Variants in ELOVL6 observed in about 807,000 individuals in gnomAD.
ELOVL6 encodes the protein very long chain fatty acid elongase 6.
A neutral mutation model predicts 31.7 loss-of-function variants in ELOVL6; 8 were observed. The observed-to-expected ratio is 0.25, with a 90% CI of 0.15 to 0.45. The LOEUF is 0.45. Ranked by LOEUF, ELOVL6 falls within the 20% of genes least tolerant of loss-of-function variation. ELOVL6 has a pLI of 1.00. For missense variants in ELOVL6, 126 were observed against 326.4 expected, an observed-to-expected ratio of 0.39 and a Z score of 4.73; for synonymous variants, 101 against 117.7, an observed-to-expected ratio of 0.86 and a Z score of 0.92.
chr4:110,101,616 C>T (rs1052845938), intron 2 of ELOVL6, among the ~76,000 whole-genome samples: 2 of 152,116 alleles, frequency 1.3e-5, no homozygotes, highest in African/African-American at 4.8e-5. Context: ...TCTAAATTGC[C>T]AGTCCACACC....
chr4:110,132,323 A>T (rs962455080), intron 1 of ELOVL6, among the ~76,000 whole-genome samples: 12 of 152,154 alleles, frequency 7.9e-5, no homozygotes, highest in Non-Finnish European at 1.6e-4. Context: ...GAAGATGCTT[A>T]AGGTGGTAGA....
intron 1 of ELOVL6, among the ~76,000 whole-genome samples, chr4:110,162,644 C>G (rs1758663334): frequency 6.6e-6 from 1 of 151,766 alleles, no homozygotes; most frequent in Non-Finnish European, 1.5e-5. Context: ...TGTGCCAGGC[C>G]TGAATATATA....
chr4:110,168,112 A>G (rs1430686183), intron 1 of ELOVL6, among the ~76,000 whole-genome samples: 1 of 152,230 alleles, frequency 6.6e-6, no homozygotes, highest in Non-Finnish European at 1.5e-5. Flanking sequence ...TTAAGTGAAC[A>G]TAAAAGAGAT....
intron 3 of ELOVL6, among the ~76,000 whole-genome samples, chr4:110,056,923 T>G (rs541544416): frequency 6.6e-6 from 1 of 152,116 alleles, no homozygotes; most frequent in South Asian, 2.1e-4. Flanking sequence ...ACAGGTGATA[T>G]TAACATCATC....
Position 110,059,559 on chromosome 4 carries a change from T to C in ELOVL6, c.373+44A>G, listed in dbSNP as rs368321675. 8.0e-5 allele frequency: 127 copies of C among 1,585,968 alleles called. No homozygotes were observed. In the African/African-American group the frequency reaches 1.7e-3, roughly 21 times the overall value. On this transcript the variant is annotated intron_variant, in intron 3 of 3. Coordinates refer to ENST00000302274, the MANE Select transcript of ELOVL6 (RefSeq NM_024090.3). The stretch of plus-strand genomic sequence containing the variant: ...GCTCACTAAATAAATACTGTGGATA[T>C]GTTGCTACAAAGAGAGGGAGAGGAA...
intron 2 of ELOVL6, among the ~76,000 whole-genome samples, chr4:110,084,623 C>T (rs1283817128): frequency 5.3e-5 from 5 of 95,204 alleles, no homozygotes; most frequent in African/African-American, 1.8e-4. Flanking sequence ...GAGATGGAGT[C>T]TTGCTCTGTC....
chr4:110,122,821 C>T (rs539200046), intron 1 of ELOVL6, among the ~76,000 whole-genome samples: 195 of 152,326 alleles, frequency 1.3e-3, no homozygotes, highest in Non-Finnish European at 2.7e-3. Context: ...CACTTTCCTT[C>T]GCACATGCTG....
chr4:110,051,288 A>G lies in ELOVL6; in HGVS notation c.*50T>C, dbSNP rs1214232420. 1.3e-6 allele frequency: 2 copies of G among 1,561,482 alleles called. No homozygotes were observed. The highest frequency in any genetic ancestry group is 1.2e-5 in the South Asian group (1 of 82,982). On this transcript the variant is annotated 3_prime_UTR_variant, in exon 4 of 4. Coordinates refer to ENST00000302274, the MANE Select transcript of ELOVL6 (RefSeq NM_024090.3). This position sits in a 1 kb window ranked among gnomAD's most constrained non-coding sequence, Gnocchi z 4.8. ...TTCCTTGTGCCATTTTCTTTTGTCT[A>G]TTATTTTTCTTGATGACCCTGAGCT...
intron 1 of ELOVL6, among the ~76,000 whole-genome samples, chr4:110,167,567 C>G (rs1758811843): frequency 6.6e-6 from 1 of 152,156 alleles, no homozygotes; most frequent in Non-Finnish European, 1.5e-5. Context: ...GAGTCTCACT[C>G]TGTTGCCCAG....
chr4:110,193,949 T>G (rs1364770640), intron 1 of ELOVL6, among the ~76,000 whole-genome samples: 1 of 152,228 alleles, frequency 6.6e-6, no homozygotes, highest in Non-Finnish European at 1.5e-5. Flanking sequence ...ACAGGCCTCC[T>G]GCTTTCCTAT....
intron 1 of ELOVL6, among the ~76,000 whole-genome samples, chr4:110,106,665 T>C (rs6815579): frequency 0.63 from 96,173 of 151,796 alleles, 33,000 homozygotes; most frequent in African/African-American, 0.89. Flanking sequence ...GCTTCTTAAC[T>C]ATATCCTGTT....
intron 2 of ELOVL6, among the ~76,000 whole-genome samples, chr4:110,077,776 C>T (rs962715415): frequency 4.6e-5 from 7 of 151,848 alleles, no homozygotes; most frequent in South Asian, 2.1e-4. Context: ...AGGCTTCAGA[C>T]GATCAAACTA....
chr4:110,084,227 T>TATCATATAACTTATATG lies in ELOVL6; in HGVS notation c.221+21269_221+21270insCATATAAGTTATATGAT, dbSNP rs1429764983. Among the ~76,000 whole-genome samples, 6 of 100,058 alleles carry TATCATATAACTTATATG rather than the reference T, an allele frequency of 6.0e-5. 1 individual carries two copies. Among genetic ancestry groups the TATCATATAACTTATATG allele is most frequent in the African/African-American group, 3.0e-4 (6 of 20,324 alleles). 65.6% of individuals were successfully genotyped at this position (100,058 alleles called of 152,430 possible). A position where few individuals can be genotyped will look rare whatever the true frequency, so the allele number is the denominator to read the frequency against. ...TATATATAACATATAACTTATATGA[T>TATCATATAACTTATATG]ATATATAACATATATGATATATATA... is the stretch of plus-strand genomic sequence containing the variant. On this transcript the variant is annotated intron_variant, in intron 2 of 3. Coordinates refer to ENST00000302274, the MANE Select transcript of ELOVL6 (RefSeq NM_024090.3).
chr4:110,195,527 A>C (rs1759747134), intron 1 of ELOVL6, among the ~76,000 whole-genome samples: 1 of 152,140 alleles, frequency 6.6e-6, no homozygotes, highest in Admixed American at 6.6e-5. Flanking sequence ...GAAATGCACA[A>C]AATCTGGCAT....
At chr4:110,163,036 T>C (rs1758674541) in intron 1 of ELOVL6, among the ~76,000 whole-genome samples, 1 of 152,216 alleles carries the variant, frequency 6.6e-6, no homozygotes, top group African/African-American at 2.4e-5. Flanking sequence ...CCCAATCATT[T>C]AGATAAAAAT....
chr4:110,087,480 T>C (rs1443150777), intron 2 of ELOVL6, among the ~76,000 whole-genome samples: 1 of 152,198 alleles, frequency 6.6e-6, no homozygotes, highest in African/African-American at 2.4e-5. Flanking sequence ...ACTAGAGTCA[T>C]CTGAATTGCC....
chr4:110,191,126 T>C (rs1030430885), intron 1 of ELOVL6, among the ~76,000 whole-genome samples: 8 of 152,130 alleles, frequency 5.3e-5, no homozygotes, highest in African/African-American at 1.7e-4. Context: ...ACCCATACAA[T>C]ACTTTTTAAA....
At chr4:110,080,781 A>C (rs1490328765) in intron 2 of ELOVL6, among the ~76,000 whole-genome samples, 1 of 152,164 alleles carries the variant, frequency 6.6e-6, no homozygotes, top group Non-Finnish European at 1.5e-5. Flanking sequence ...GTATTCAATT[A>C]GGAAAAGAGG....
chr4:110,073,174 T>C (rs1041136754), intron 2 of ELOVL6, among the ~76,000 whole-genome samples: 1 of 152,186 alleles, frequency 6.6e-6, no homozygotes, highest in Non-Finnish European at 1.5e-5. Flanking sequence ...GAGAAATCTA[T>C]GTATACCTTT....
Sources: gnomAD v4.1 joint callset for allele counts (sites outside exome capture counted in the v4.1 genomes callset) on GRCh38, gnomAD v4.1.1 for gene constraint, Gnocchi (gnomAD v3.1) non-coding constraint, MANE v1.5 for transcripts, NCBI Gene and HGNC (gene_info 2026-07-23, HGNC 2026-07-21) for gene names.